CYSLTR1: variants seen among roughly 807,000 people sequenced by gnomAD.
The protein encoded by CYSLTR1 is G-protein coupled receptor HG55.
A neutral mutation model predicts 2.1 loss-of-function variants in CYSLTR1; 1 was observed. The observed-to-expected ratio is 0.48, with a 90% confidence interval of 0.17 to 2.28. CYSLTR1 has a LOEUF of 2.28. Among genes scored for constraint, CYSLTR1 ranks in the 30% most tolerant of loss-of-function variants. The pLI, the probability that CYSLTR1 is intolerant of heterozygous loss-of-function variation, is 0.26. For synonymous variants in CYSLTR1, 110 were observed against 89.6 expected (o/e 1.23, Z -1.28); for missense variants, 299 against 250.1 (o/e 1.20, Z -1.32).
At position 78,273,185 on chromosome X, in the gene CYSLTR1, C is replaced by T. The variant is rs746912468; in HGVS notation, c.562G>A (p.Val188Ile). Residue 188 changes from valine to isoleucine, a missense_variant, in exon 3 of 3, where the codon GTC (valine) becomes ATC (isoleucine). By Grantham distance (29) the Val-to-Ile change is conservative. Transcript: ENST00000373304. Reference protein sequence around the residue: ...QDNQTKNHVLVLHYVSLFVGF... With the variant: ...QDNQTKNHVLILHYVSLFVGF... ...ACAAACAATGACACATAATGCAAGA[C>T]CAAAACATGATTTTTAGTTTGATTG... is the stretch of plus-strand genomic sequence containing the variant. 1.7e-6 allele frequency: 2 copies of T among 1,210,040 alleles called. No individual in the cohort carries two copies. The highest frequency in any genetic ancestry group is 3.0e-5 in the East Asian group (1 of 33,825).
intron 1 of CYSLTR1, among the ~76,000 whole-genome samples, chrX:78,283,855 C>T (rs1367656728): frequency 2.7e-5 from 3 of 111,860 alleles, no homozygotes; most frequent in Non-Finnish European, 5.6e-5. Context: ...CAGGGTATTT[C>T]CTCTATCTTC....
At chrX:78,282,663 G>A (rs1011939985) in intron 2 of CYSLTR1, among the ~76,000 whole-genome samples, 8 of 111,639 alleles carry the variant, frequency 7.2e-5, no homozygotes, top group Non-Finnish European at 1.3e-4. Flanking sequence ...CTACTCAAGA[G>A]GCTGAGGCAG....
At chrX:78,299,085 A>G (rs1922703154) in intron 1 of CYSLTR1, among the ~76,000 whole-genome samples, 1 of 111,450 alleles carries the variant, frequency 9.0e-6, no homozygotes, top group Non-Finnish European at 1.9e-5. Flanking sequence ...ATACTATCTT[A>G]TAATTTATTA....
chrX:78,278,642 G>A (rs772787674), intron 2 of CYSLTR1, among the ~76,000 whole-genome samples: 2 of 112,236 alleles, frequency 1.8e-5, no homozygotes, highest in Non-Finnish European at 1.9e-5. Context: ...CCAGAAAAGA[G>A]CCTGAACACC....
chrX:78,311,495 TA>T (rs1204243116), intron 1 of CYSLTR1, among the ~76,000 whole-genome samples: 1 of 111,436 alleles, frequency 9.0e-6, no homozygotes, highest in African/African-American at 3.3e-5. Context: ...ACAAAGCAAT[TA>T]GGCAAGGCAA....
chrX:78,313,440 C>A (rs1336529408), intron 1 of CYSLTR1, among the ~76,000 whole-genome samples: 5 of 111,452 alleles, frequency 4.5e-5, no homozygotes, highest in Non-Finnish European at 9.4e-5. Flanking sequence ...TAACAAACTG[C>A]ACAATGTACC....
chrX:78,277,888 C>A (rs1021707183), intron 2 of CYSLTR1, among the ~76,000 whole-genome samples: 2 of 111,462 alleles, frequency 1.8e-5, no homozygotes, highest in African/African-American at 6.5e-5. Context: ...GCCAAATGAC[C>A]ACACTAGCTC....
At chrX:78,278,413 G>A (rs145268134) in intron 2 of CYSLTR1, among the ~76,000 whole-genome samples, 1 of 111,815 alleles carries the variant, frequency 8.9e-6, no homozygotes, top group Non-Finnish European at 1.9e-5. Context: ...AGCTAGCAAG[G>A]GAGGTGGAAG....
chrX:78,289,771 G>C (rs757084053), intron 1 of CYSLTR1, among the ~76,000 whole-genome samples: 137 of 112,328 alleles, frequency 1.2e-3, no homozygotes, highest in Middle Eastern at 9.3e-3. Flanking sequence ...CTTTTGAGAA[G>C]TGTCTGTTCA....
At chrX:78,298,676 T>G (rs1403238266) in intron 1 of CYSLTR1, among the ~76,000 whole-genome samples, 1 of 111,810 alleles carries the variant, frequency 8.9e-6, no homozygotes, top group Non-Finnish European at 1.9e-5. Flanking sequence ...TTTTGTCTGT[T>G]GTAAGTATAG....
At chrX:78,320,536 G>A (rs1176318967) in intron 1 of CYSLTR1, 12 of 111,683 alleles carry the variant, frequency 1.1e-4, no homozygotes, top group Admixed American at 7.6e-4. Flanking sequence ...GTTTGAAGTT[G>A]GGTAGCGTGA....
intron 1 of CYSLTR1, among the ~76,000 whole-genome samples, chrX:78,323,480 C>T (rs1923744660): frequency 8.9e-6 from 1 of 111,900 alleles, no homozygotes; most frequent in Admixed American, 9.5e-5. Flanking sequence ...CTGAGTATTT[C>T]CTAGGAACTT....
rs199907325 is a variant in CYSLTR1 at position 78,272,719 on chromosome X, G to T, written c.*14C>A. 8.9e-7 allele frequency: 1 copy of T among 1,124,179 alleles called. No homozygotes were observed. Among genetic ancestry groups the T allele is most frequent in the Non-Finnish European group, 1.2e-6 (1 of 850,838 alleles). 92.6% of individuals were successfully genotyped at this position (1,124,179 alleles called of 1,213,427 possible). A position where few individuals can be genotyped will look rare whatever the true frequency, so the allele number is the denominator to read the frequency against. The stretch of plus-strand genomic sequence containing the variant: ...AAACTATTTTCATTGGTTTGGACTG[G>T]AAATGGGTTTAAACTATACTTTACA... On this transcript the variant is annotated 3_prime_UTR_variant, in exon 3 of 3. Coordinates refer to ENST00000373304, the MANE Select transcript of CYSLTR1 (RefSeq NM_006639.4).
chrX:78,293,821 C>T (rs1285161068), intron 1 of CYSLTR1, among the ~76,000 whole-genome samples: 2 of 112,060 alleles, frequency 1.8e-5, no homozygotes, highest in African/African-American at 6.5e-5. Flanking sequence ...CCATGGTTTT[C>T]AGCTCCTTCA....
At chrX:78,299,811 C>T (rs1260007687) in intron 1 of CYSLTR1, among the ~76,000 whole-genome samples, 2 of 110,968 alleles carry the variant, frequency 1.8e-5, no homozygotes, top group South Asian at 7.5e-4. Flanking sequence ...AACTTTCTTG[C>T]ACTTGGATAT....
chrX:78,305,837 T>C (rs1299089189), intron 1 of CYSLTR1, among the ~76,000 whole-genome samples: 2 of 113,132 alleles, frequency 1.8e-5, no homozygotes, highest in Admixed American at 1.9e-4. Flanking sequence ...GGCTGGATTA[T>C]ATTCAATTTT....
At chrX:78,301,052 A>T (rs975418207) in intron 1 of CYSLTR1, among the ~76,000 whole-genome samples, 5 of 112,602 alleles carry the variant, frequency 4.4e-5, no homozygotes, top group Non-Finnish European at 9.4e-5. Flanking sequence ...CCTTTTAGCC[A>T]TGGCTAGAGT....
chrX:78,315,562 G>T (rs1923385157), intron 1 of CYSLTR1, among the ~76,000 whole-genome samples: 1 of 111,327 alleles, frequency 9.0e-6, no homozygotes, highest in Non-Finnish European at 1.9e-5. Context: ...GGGCAGCATT[G>T]ACTACAAGCT....
intron 1 of CYSLTR1, among the ~76,000 whole-genome samples, chrX:78,300,895 A>G (rs781643938): frequency 7.1e-5 from 8 of 112,889 alleles, no homozygotes; most frequent in Admixed American, 6.5e-4. Flanking sequence ...ACATCCAGGC[A>G]TTTCCATACA....
Sources: gnomAD v4.1 joint callset for allele counts (sites outside exome capture counted in the v4.1 genomes callset) on GRCh38, gnomAD v4.1.1 for gene constraint, MANE v1.5 for transcripts, NCBI Gene and HGNC (gene_info 2026-07-23, HGNC 2026-07-21) for gene names.